The following CSPG4 variants were observed in gnomAD, a reference collection of about 807,000 sequenced individuals.
CSPG4 encodes the protein chondroitin sulfate proteoglycan 4 (melanoma-associated).
Under a neutral mutation model 139.3 loss-of-function variants are expected in CSPG4, and 74 were observed. The ratio of observed to expected loss-of-function variants is 0.53; its 90% CI spans 0.44 to 0.64. The LOEUF (loss-of-function observed/expected upper bound fraction) is 0.64, where lower values mean the gene tolerates loss of function less well. Among genes scored for constraint, CSPG4 ranks in the 30% least tolerant of loss-of-function variants. CSPG4 has a pLI of 0.00. For synonymous variants in CSPG4, 1,234 were observed against 1,394.2 expected (o/e 0.89, Z 2.56); for missense variants, 2,565 against 3,148.3 (o/e 0.81, Z 4.43).
intron 1 of CSPG4, among the ~76,000 whole-genome samples, chr15:75,709,463 C>A (rs572186928): frequency 6.6e-6 from 1 of 152,274 alleles, no homozygotes; most frequent in African/African-American, 2.4e-5. Context: ...GAAGACACAC[C>A]TCAGGTGGCA....
intron 1 of CSPG4, among the ~76,000 whole-genome samples, chr15:75,708,696 C>T (rs149436782): frequency 0.01 from 1,591 of 152,264 alleles, 35 homozygotes; most frequent in East Asian, 0.098. Context: ...TGAGGCAGTC[C>T]CTGCTTTTCT....
chr15:75,686,135 C>G (rs577101656), intron 3 of CSPG4, among the ~76,000 whole-genome samples: 1 of 152,216 alleles, frequency 6.6e-6, no homozygotes, highest in African/African-American at 2.4e-5. Context: ...ACCCCACACA[C>G]GGTTGCAGGG....
At position 75,693,141 on chromosome 15, in the gene CSPG4, C is replaced by G. The variant is rs771318308; in HGVS notation, c.181G>C (p.Glu61Gln). The G allele has an allele frequency of 6.3e-7, 1 of 1,594,772 alleles. No individual in the cohort carries two copies. Among genetic ancestry groups the G allele is most frequent in the Non-Finnish European group, 8.5e-7 (1 of 1,171,050 alleles). Residue 61 changes from glutamate (E) to glutamine (Q), a missense_variant, in exon 2 of 10, where the codon GAA (glutamate) becomes CAA (glutamine). By Grantham distance (29) the Glu-to-Gln change is conservative (BLOSUM62 2). Coordinates refer to ENST00000308508, the MANE Select transcript of CSPG4 (RefSeq NM_001897.5). Reference sequence around the variant, plus strand: ...CCTGCTGCCAGGAGAAGGAGGGCTTCGGGCTGGGACGTGGAGAACTGCAGC... The same window carrying G: ...CCTGCTGCCAGGAGAAGGAGGGCTTGGGGCTGGGACGTGGAGAACTGCAGC... ...LQLQFSTSQP[E>Q]ALLLLAAGPA...
In CSPG4 at chr15:75,690,209, C is replaced by T; in HGVS notation, c.856G>A (p.Glu286Lys). 6.2e-7 allele frequency: 1 copy of T among 1,613,370 alleles called. No homozygotes were observed. Among genetic ancestry groups the T allele is most frequent in the Admixed American group, 1.7e-5 (1 of 60,012 alleles). ...TGAGCATTGATGTGGACACTGACCTCATGGGGCTGCCCATCGGCCACAGGC... is the reference window on the plus strand; with the variant it reads ...TGAGCATTGATGTGGACACTGACCTTATGGGGCTGCCCATCGGCCACAGGC... ...SVPVADGQPH[E>K]VSVHINAHRL... The change falls in exon 3 of 10, where the codon GAG (glutamate) becomes AAG (lysine). Residue 286 changes from glutamate (E) to lysine (K), a missense_variant. Glu to Lys is a moderately conservative substitution (Grantham distance 56). Transcript: ENST00000308508.
chr15:75,677,289 C>G lies in CSPG4; in HGVS notation c.5230G>C (p.Glu1744Gln), dbSNP rs564574089. ...LASVPSPQRSEHDVLFQVTQF... is the reference protein window; with the variant it reads ...LASVPSPQRSQHDVLFQVTQF... ...GTGACCTGGAAGAGCACATCATGCT[C>G]TGAGCGCTGGGGTGATGGAACGCTG... Residue 1744 changes from glutamate to glutamine, a missense_variant, in exon 10 of 10, where the codon GAG becomes CAG. Coordinates refer to ENST00000308508, the MANE Select transcript of CSPG4 (RefSeq NM_001897.5). 8.8e-6 allele frequency: 13 copies of G among 1,478,992 alleles called. No homozygotes were observed. The South Asian group carries it at 1.6e-4, about 18-fold the overall frequency. The allele number at this position is 1,478,992 out of a possible 1,614,324, so 91.6% of individuals were successfully genotyped here.
chr15:75,707,306 TA>T (rs1448344159), intron 1 of CSPG4, among the ~76,000 whole-genome samples: 1 of 152,164 alleles, frequency 6.6e-6, no homozygotes, highest in Non-Finnish European at 1.5e-5. Context: ...AAAATTTCTT[TA>T]AAAAAATCTA....
chr15:75,703,699 G>A (rs1235290640), intron 1 of CSPG4, among the ~76,000 whole-genome samples: 1 of 141,050 alleles, frequency 7.1e-6, no homozygotes, highest in African/African-American at 2.7e-5. Flanking sequence ...GAGTTCCCTA[G>A]GCCTGGAGGG....
intron 8 of CSPG4, chr15:75,679,122 C>G (rs1407201803): frequency 4.6e-6 from 1 of 215,320 alleles, no homozygotes; most frequent in Non-Finnish European, 9.3e-6. Context: ...GTAGCTCCAG[C>G]CTAGCCTGCT....
chr15:75,712,426 C>T (rs541759545), intron 1 of CSPG4, among the ~76,000 whole-genome samples: 41 of 152,284 alleles, frequency 2.7e-4, no homozygotes, highest in African/African-American at 9.6e-4. Context: ...ATGCCTGGGG[C>T]GCCTGCTCCC....
intron 1 of CSPG4, among the ~76,000 whole-genome samples, chr15:75,693,862 G>T (rs1433629333): frequency 6.6e-6 from 1 of 152,278 alleles, no homozygotes; most frequent in Non-Finnish European, 1.5e-5. Context: ...TCTTCCAGCT[G>T]CCATTGAGCG....
chr15:75,697,870 A>T (rs1382489195), intron 1 of CSPG4, among the ~76,000 whole-genome samples: 1 of 152,178 alleles, frequency 6.6e-6, no homozygotes, highest in Non-Finnish European at 1.5e-5. Flanking sequence ...TCATTCATTC[A>T]CTCAATCACA....
In CSPG4 at chr15:75,687,770, C is replaced by T. The variant is rs545645704; in HGVS notation, c.3295G>A (p.Asp1099Asn). ...ACCTGCAGCTGGATCCAGCCACGGT[C>T]AGCCCCTGAGTGCACGAACAGTACT... ...RRVLFVHSGADRGWIQLQVSD... is the reference protein window; with the variant it reads ...RRVLFVHSGANRGWIQLQVSD... Residue 1099 changes from aspartate to asparagine, a missense_variant, in exon 3 of 10, where the codon GAC (aspartate) becomes AAC (asparagine). By Grantham distance (23) the Asp-to-Asn change is conservative. Transcript: ENST00000308508. The surrounding 1 kb of genome is among the most constrained non-coding windows in gnomAD (Gnocchi z 5.4). 3.1e-5 allele frequency: 50 copies of T among 1,612,904 alleles called. No homozygotes were observed. Among genetic ancestry groups the T allele is most frequent in the Admixed American group, 2.5e-4 (15 of 60,020 alleles).
rs138334512 is a variant in CSPG4, at chr15:75,690,035, G to T, written c.1030C>A (p.Pro344Thr). ...AGCAGGGAGGCATTGGTGGCCTCTG[G>T]TGTCAGGCCCAGGCGGTGTTCCTGG... is the stretch of plus-strand genomic sequence containing the variant. ...HLQEHRLGLT[P>T]EATNASLLGC... is the part of the protein sequence containing the mutation. Residue 344 changes from proline (P) to threonine (T), a missense_variant, in exon 3 of 10, where the codon CCA becomes ACA. By Grantham distance (38) the Pro-to-Thr change is conservative (BLOSUM62 -1). Transcript: ENST00000308508. The T allele has an allele frequency of 1.6e-4, 259 of 1,611,892 alleles. No individual in the cohort carries two copies. The African/African-American group carries it at 3.2e-3, about 20-fold the overall frequency.
At position 75,677,800 on chromosome 15, in the gene CSPG4, G is replaced by A. The variant is rs754588060; in HGVS notation, c.5037C>T (p.Ser1679=). The A allele has an allele frequency of 5.6e-6, 9 of 1,612,018 alleles. No homozygotes were observed. Among genetic ancestry groups the A allele is most frequent in the Non-Finnish European group, 1.7e-6 (2 of 1,179,180 alleles). Residue 1679 remains serine (S), a synonymous_variant, in exon 9 of 10, where the codon TCC becomes TCT. Coordinates refer to ENST00000308508, the MANE Select transcript of CSPG4 (RefSeq NM_001897.5). ...CGGCCACGTCCCGGGCAGGCGGCGA[G>A]GACAGCTGGAGCTCTAGGGTATCAT... The part of the protein sequence containing the change: ...EAHDTLELQL[S]SPPARDVAAT...
intron 1 of CSPG4, among the ~76,000 whole-genome samples, chr15:75,695,365 G>A (rs1313603626): frequency 6.6e-6 from 1 of 152,178 alleles, no homozygotes; most frequent in Admixed American, 6.5e-5. Flanking sequence ...TGGGAGGGTG[G>A]CAGGAAGTAG....
chr15:75,683,034 TC>T lies in CSPG4; in HGVS notation c.4456del (p.Glu1486ArgfsTer12). The T allele has an allele frequency of 6.2e-7, 1 of 1,609,540 alleles. No individual in the cohort carries two copies. ...LTTNTGLQMWEGATAPIPAEA... is the reference protein window; with the variant it reads ...LTTNTGLQMWXGATAPIPAEA... ...CGCAGGGATGGGCGCAGTGGCCCCC[TC>T]CCACATCTGGGAACACAGGCCTGTG... On this transcript the variant is annotated frameshift_variant, in exon 6 of 10. Coordinates refer to ENST00000308508, the MANE Select transcript of CSPG4 (RefSeq NM_001897.5). LOFTEE classifies it high-confidence loss of function.
At position 75,685,668 on chromosome 15, in the gene CSPG4, C is replaced by T. The variant is rs532349130; in HGVS notation, c.3823G>A (p.Val1275Ile). Residue 1275 changes from valine to isoleucine, a missense_variant, in exon 4 of 10, where the codon GTA (valine) becomes ATA (isoleucine). By Grantham distance (29) the Val-to-Ile change is conservative. This residue lies in a region of CSPG4 where 2,316 missense variants were observed against 2,818.2 expected (regional missense o/e 0.82). Coordinates refer to ENST00000308508, the MANE Select transcript of CSPG4 (RefSeq NM_001897.5). ...AQEAVPPADI[V>I]FSVKSPPSAG... ...CTCGGTGGGCTCTTCACTGAGAATA[C>T]GATGTCTGCAGGTGGCACTGCCTCC... is the stretch of plus-strand genomic sequence containing the variant. 59 of 1,603,758 alleles carry T rather than the reference C, an allele frequency of 3.7e-5. 1 individual carries two copies. Among genetic ancestry groups the T allele is most frequent in the African/African-American group, 2.9e-4 (22 of 74,998 alleles).
intron 1 of CSPG4, among the ~76,000 whole-genome samples, chr15:75,700,186 G>A (rs562708778): frequency 2.2e-4 from 34 of 152,328 alleles, no homozygotes; most frequent in African/African-American, 7.7e-4. Context: ...GTGGGTGTCA[G>A]CAGGGCACAT....
chr15:75,675,308 G>A lies in CSPG4; in HGVS notation c.*242C>T, dbSNP rs146014750. The A allele has an allele frequency of 1.4e-3, 555 of 394,218 alleles. 3 individuals are homozygous for A. Among genetic ancestry groups the A allele is most frequent in the African/African-American group, 9.7e-3 (469 of 48,598 alleles). 24.4% of individuals were successfully genotyped at this position (394,218 alleles called of 1,614,324 possible). A position where few individuals can be genotyped will look rare whatever the true frequency, so the allele number is the denominator to read the frequency against. ...TCCAGGGCAGGAGGACTGAACTTAAGCCTGCCTCCACCTTGGCCCCTGCAG... is the reference window on the plus strand; with the variant it reads ...TCCAGGGCAGGAGGACTGAACTTAAACCTGCCTCCACCTTGGCCCCTGCAG... On this transcript the variant is annotated 3_prime_UTR_variant, in exon 10 of 10. Transcript: ENST00000308508.
Sources: gnomAD v4.1 joint callset for allele counts (sites outside exome capture counted in the v4.1 genomes callset) on GRCh38, gnomAD v4.1.1 for gene constraint, gnomAD v4.1.1 regional missense constraint, Gnocchi (gnomAD v3.1) non-coding constraint, MANE v1.5 for transcripts, NCBI Gene and HGNC (gene_info 2026-07-23, HGNC 2026-07-21) for gene names.